Variants in KREMEN1 observed in about 807,000 individuals in gnomAD.
KREMEN1 encodes kringle containing transmembrane protein 1.
KREMEN1 carries 30 observed loss-of-function variants against 46.5 expected under a neutral mutation model. That is an observed-to-expected ratio of 0.65 (90% CI 0.48 to 0.88). KREMEN1 has a LOEUF of 0.88. Among genes scored for constraint, KREMEN1 ranks in the 40% least tolerant of loss-of-function variants. The pLI, the probability that KREMEN1 is intolerant of heterozygous loss-of-function variation, is 0.00. For missense variants in KREMEN1, 533 were observed against 596.9 expected, an observed-to-expected ratio of 0.89 and a Z score of 1.11; for synonymous variants, 214 against 230.6, an observed-to-expected ratio of 0.93 and a Z score of 0.65.
chr22:29,161,282 C>T lies in KREMEN1; in HGVS notation c.1417-5762C>T, dbSNP rs187949067. ...CAGCACTTTGGGGGGCCAAGGTGGGCAGATCATGAGGTCAGGAGATCGAGA... is the reference window on the plus strand; with the variant it reads ...CAGCACTTTGGGGGGCCAAGGTGGGTAGATCATGAGGTCAGGAGATCGAGA... On this transcript the variant is annotated intron_variant, in intron 9 of 9. Transcript: ENST00000327813. 6.6e-4 allele frequency among the ~76,000 whole-genome samples: 100 copies of T among 151,522 alleles called. 1 individual carries two copies. The highest frequency in any genetic ancestry group is 2.2e-3 in the African/African-American group (90 of 41,306).
rs1044881848 is a variant in KREMEN1, at chr22:29,143,519, G to C, written c.*1407G>C. The C allele has an allele frequency of 1.1e-6, 1 of 926,970 alleles. No homozygotes were observed. Among genetic ancestry groups the C allele is most frequent in the African/African-American group, 1.8e-5 (1 of 55,996 alleles). 57.4% of individuals were successfully genotyped at this position (926,970 alleles called of 1,614,324 possible). A position where few individuals can be genotyped will look rare whatever the true frequency, so the allele number is the denominator to read the frequency against. The stretch of plus-strand genomic sequence containing the variant: ...GCACTTTGGGAGGCTGAGGCGGGTG[G>C]ATCACGAGGTCAGGTGATCGAAACC... On this transcript the variant is annotated 3_prime_UTR_variant, in exon 9 of 9. Transcript: ENST00000400335.
chr22:29,120,514 G>A (rs1182467231), intron 3 of KREMEN1, among the ~76,000 whole-genome samples: 60 of 147,480 alleles, frequency 4.1e-4, no homozygotes, highest in East Asian at 1.0e-3. Flanking sequence ...AAACGGAGGA[G>A]GGAGAGGTGA....
chr22:29,080,914 C>G (rs2037643193), intron 1 of KREMEN1, among the ~76,000 whole-genome samples: 1 of 150,742 alleles, frequency 6.6e-6, no homozygotes, highest in South Asian at 2.1e-4. Context: ...TTGAGAAACC[C>G]CGTCCTGATT....
chr22:29,161,335 G>A (rs927136736), intron 9 of KREMEN1, among the ~76,000 whole-genome samples: 5 of 151,250 alleles, frequency 3.3e-5, no homozygotes, highest in East Asian at 1.9e-4. Flanking sequence ...ATGAAACCCC[G>A]TCTGTACTAA....
intron 9 of KREMEN1, among the ~76,000 whole-genome samples, chr22:29,159,029 G>C (rs2038986448): frequency 6.6e-6 from 1 of 151,886 alleles, no homozygotes; most frequent in African/African-American, 2.4e-5. Flanking sequence ...ATGTTGGCCA[G>C]AGCTGGTCTC....
intron 9 of KREMEN1, among the ~76,000 whole-genome samples, chr22:29,158,274 G>A (rs897330645): frequency 1.1e-4 from 16 of 152,158 alleles, no homozygotes; most frequent in Admixed American, 3.3e-4. Context: ...AAATGATGCC[G>A]GAGCAAGAGA....
At chr22:29,158,247 A>G (rs889835048) in intron 9 of KREMEN1, among the ~76,000 whole-genome samples, 1 of 152,200 alleles carries the variant, frequency 6.6e-6, no homozygotes, top group African/African-American at 2.4e-5. Context: ...GCAGCCAGCC[A>G]TGGCAGTAGA....
intron 3 of KREMEN1, among the ~76,000 whole-genome samples, chr22:29,114,232 C>T (rs928892633): frequency 1.3e-5 from 2 of 152,018 alleles, no homozygotes; most frequent in African/African-American, 4.8e-5. Flanking sequence ...GCCTGTAATC[C>T]CAGTACTTTG....
In KREMEN1 at chr22:29,142,755, T is replaced by C. The variant is rs1372085100; in HGVS notation, c.*643T>C. 3.0e-5 allele frequency: 30 copies of C among 985,322 alleles called. No homozygotes were observed. The highest frequency in any genetic ancestry group is 3.6e-5 in the Non-Finnish European group (30 of 829,930). The allele number at this position is 985,322 out of a possible 1,614,324, so 61.0% of individuals were successfully genotyped here. Reference sequence around the variant, plus strand: ...TGAGAATAAGATCTAGTGACCCCCATTTATATCAAACCTGATACCTTACAC... The same window carrying C: ...TGAGAATAAGATCTAGTGACCCCCACTTATATCAAACCTGATACCTTACAC... On this transcript the variant is annotated 3_prime_UTR_variant, in exon 9 of 9. Transcript: ENST00000400335.
intron 1 of KREMEN1, among the ~76,000 whole-genome samples, chr22:29,078,990 G>C (rs1411398916): frequency 6.6e-6 from 1 of 152,220 alleles, no homozygotes; most frequent in African/African-American, 2.4e-5. Context: ...TCTAGGAGGA[G>C]CAGTCTGAGG....
In KREMEN1 at chr22:29,137,495, A is replaced by C; in HGVS notation, c.785A>C (p.Asp262Ala). 1.2e-6 allele frequency: 2 copies of C among 1,609,818 alleles called. No homozygotes were observed. Among genetic ancestry groups the C allele is most frequent in the Non-Finnish European group, 1.7e-6 (2 of 1,176,576 alleles). ...SHIHFSFPLF[D>A]IRDSADMVEL... ...ATCCACTTCAGCTTCCCCCTATTTG[A>C]CATCAGGGACTCGGCGGACATGGTG... is the stretch of plus-strand genomic sequence containing the variant. The change falls in exon 6 of 9, where the codon GAC becomes GCC. Residue 262 changes from aspartate (D) to alanine (A), a missense_variant. By Grantham distance (126) the Asp-to-Ala change is moderately radical. Coordinates refer to ENST00000400335, the MANE Select transcript of KREMEN1 (RefSeq NM_001039570.3).
intron 1 of KREMEN1, among the ~76,000 whole-genome samples, chr22:29,089,697 A>T (rs1466370890): frequency 1.3e-5 from 2 of 152,214 alleles, no homozygotes; most frequent in Non-Finnish European, 1.5e-5. Context: ...AATCTCATTT[A>T]TCTAACCCTC....
chr22:29,163,875 A>G (rs1477364229), intron 9 of KREMEN1, among the ~76,000 whole-genome samples: 1 of 152,122 alleles, frequency 6.6e-6, no homozygotes, highest in Non-Finnish European at 1.5e-5. Context: ...GCATCACGCA[A>G]TACACCCACG....
chr22:29,111,599 GCGAGA>G, intron 3 of KREMEN1: 2 of 117,448 alleles, frequency 1.7e-5, no homozygotes, highest in Non-Finnish European at 3.3e-5. Context: ...GGGCGACAGA[GCGAGA>G]CTCCGTCTCA....
At chr22:29,093,914 A>G (rs765286726) in intron 1 of KREMEN1, among the ~76,000 whole-genome samples, 2 of 152,180 alleles carry the variant, frequency 1.3e-5, no homozygotes, top group African/African-American at 4.8e-5. Context: ...TTCCACATGG[A>G]TGGCTGTTAC....
chr22:29,143,343 T>C lies in KREMEN1; in HGVS notation c.*1231T>C, dbSNP rs1044593395. ...CATGATTGGCTCAGCTAACTCTCAG[T>C]TCAGAGTGGAGAGTATCAATCTTGT... On this transcript the variant is annotated 3_prime_UTR_variant, in exon 9 of 9. Transcript: ENST00000400335. 5.1e-6 allele frequency: 5 copies of C among 985,320 alleles called. No individual in the cohort carries two copies. Among genetic ancestry groups the C allele is most frequent in the African/African-American group, 1.7e-5 (1 of 57,226 alleles). The allele number at this position is 985,320 out of a possible 1,614,324, so 61.0% of individuals were successfully genotyped here.
chr22:29,095,491 T>C (rs1266132815), intron 2 of KREMEN1, among the ~76,000 whole-genome samples: 2 of 152,236 alleles, frequency 1.3e-5, no homozygotes, highest in African/African-American at 4.8e-5. Flanking sequence ...ATGAGACTTA[T>C]GGTTCAGCAA....
chr22:29,168,333 CAAAA>C (rs60121498), downstream of KREMEN1: 23 of 79,264 alleles, frequency 2.9e-4, no homozygotes, highest in South Asian at 9.3e-4. Context: ...GACCCTGTCT[CAAAA>C]AAAAAAAAAA....
At chr22:29,076,050 CT>C (rs754713601) in intron 1 of KREMEN1, among the ~76,000 whole-genome samples, 2 of 152,192 alleles carry the variant, frequency 1.3e-5, no homozygotes, top group Non-Finnish European at 2.9e-5. Context: ...GGAATCTAGA[CT>C]TTCCTTCAAG....
Sources: allele counts gnomAD v4.1 joint callset (sites outside exome capture counted in the v4.1 genomes callset), GRCh38; gene constraint gnomAD v4.1.1; transcripts MANE v1.5; gene names NCBI Gene and HGNC (gene_info 2026-07-23, HGNC 2026-07-21).